The following UBR1 variants were observed in gnomAD, a reference collection of about 807,000 sequenced individuals.
UBR1 encodes E3 ubiquitin-protein ligase UBR1.
UBR1 carries 102 observed loss-of-function variants against 242.1 expected under a neutral mutation model. The observed-to-expected ratio is 0.42, with a 90% confidence interval of 0.36 to 0.50. The LOEUF is 0.50. UBR1 is among the 20% of genes least tolerant of loss of function. The pLI is 0.01. For synonymous variants in UBR1, 675 were observed against 684.8 expected (o/e 0.99, Z 0.22); for missense variants, 1,772 against 2,101.8 (o/e 0.84, Z 3.07).
chr15:43,047,191 T>A lies in UBR1; in HGVS notation c.1638A>T (p.Leu546Phe). 1 of 1,614,052 alleles carries A rather than the reference T, an allele frequency of 6.2e-7. No individual in the cohort carries two copies. The highest frequency in any genetic ancestry group is 8.5e-7 in the Non-Finnish European group (1 of 1,179,990). Residue 546 changes from leucine to phenylalanine, a missense_variant, in exon 14 of 47, where the codon TTA (leucine) becomes TTT (phenylalanine). Around this residue, in one of 3 missense-constraint regions of UBR1, gnomAD observed 734 missense variants for 893.3 expected, o/e 0.82. Coordinates refer to ENST00000290650, the MANE Select transcript of UBR1 (RefSeq NM_174916.3). Reference sequence around the variant, plus strand: ...AAGCACACCACTCTTGGAACATGAGTAAAATATTCTTCAATTGCATCTGTA... The same window carrying A: ...AAGCACACCACTCTTGGAACATGAGAAAAATATTCTTCAATTGCATCTGTA... ...IAIQMQLKNI[L>F]LMFQEWCACD...
At chr15:43,023,888 A>G (rs933877562) in intron 25 of UBR1, among the ~76,000 whole-genome samples, 1 of 152,204 alleles carries the variant, frequency 6.6e-6, no homozygotes, top group African/African-American at 2.4e-5. Flanking sequence ...TAGGTATGCA[A>G]AAACATTTGT....
intron 1 of UBR1, among the ~76,000 whole-genome samples, chr15:43,090,174 T>A (rs928590073): frequency 1.3e-5 from 2 of 152,206 alleles, no homozygotes; most frequent in Admixed American, 6.5e-5. Context: ...GTTTATTTAC[T>A]AATATGGAAA....
rs182350919 is a variant in UBR1, at chr15:43,096,452, G to T, written c.81+9490C>A. 2.7e-4 allele frequency among the ~76,000 whole-genome samples: 41 copies of T among 152,232 alleles called. No individual in the cohort carries two copies. The Middle Eastern group carries it at 0.01, about 38-fold the overall frequency. The stretch of plus-strand genomic sequence containing the variant: ...GCTGGGATTACAGCCGTGAGCCAAC[G>T]CGCCCGGCCAGGCAATTTCTTAAAA... On this transcript the variant is annotated intron_variant, in intron 1 of 46. Transcript: ENST00000290650.
At chr15:43,025,839 T>C (rs1356638877) in intron 23 of UBR1, 1 of 173,856 alleles carries the variant, frequency 5.8e-6, no homozygotes, top group Non-Finnish European at 1.2e-5. Flanking sequence ...TTACATAGTA[T>C]TCTTGCCAAA....
Position 43,059,600 on chromosome 15 carries a change from A to C in UBR1, c.985+102T>G, listed in dbSNP as rs1182830065. The stretch of plus-strand genomic sequence containing the variant: ...AAAGTGTATAAACCAAAAAAAAAAA[A>C]AAAAGAAAAACTTTATTTCATACTC... On this transcript the variant is annotated intron_variant, in intron 8 of 46. Transcript: ENST00000290650. The C allele has an allele frequency of 3.4e-5, 48 of 1,411,472 alleles. 1 individual carries two copies. The highest frequency in any genetic ancestry group is 4.6e-5 in the Non-Finnish European group (48 of 1,043,988). 87.4% of individuals were successfully genotyped at this position (1,411,472 alleles called of 1,614,324 possible). A position where few individuals can be genotyped will look rare whatever the true frequency, so the allele number is the denominator to read the frequency against.
chr15:43,057,162 T>C (rs908453289), intron 10 of UBR1, among the ~76,000 whole-genome samples: 1 of 152,192 alleles, frequency 6.6e-6, no homozygotes, highest in Non-Finnish European at 1.5e-5. Context: ...CAAAATTTCA[T>C]TTCAGATCAC....
Position 42,950,390 on chromosome 15 carries a change from T to C in UBR1, c.5007-27A>G, listed in dbSNP as rs1045955534. ...TGAAAGAGAAAATCAATAGGAAATA[T>C]GGTTAAGTGTATGTGTGCAAATGAT... On this transcript the variant is annotated intron_variant, in intron 45 of 46. Coordinates refer to ENST00000290650, the MANE Select transcript of UBR1 (RefSeq NM_174916.3). The C allele has an allele frequency of 3.7e-6, 6 of 1,601,796 alleles. No homozygotes were observed. In the African/African-American group the frequency reaches 8.0e-5, roughly 21 times the overall value.
Position 42,957,550 on chromosome 15 carries a change from T to C in UBR1, c.4835+463A>G, listed in dbSNP as rs142662491. Among the ~76,000 whole-genome samples the C allele has an allele frequency of 1.9e-4, 29 of 152,282 alleles. No homozygotes were observed. In the East Asian group the frequency reaches 5.0e-3, roughly 26 times the overall value. On this transcript the variant is annotated intron_variant, in intron 44 of 46. Transcript: ENST00000290650. ...TAAAAAAAATTGACAACCACTGTTA[T>C]GAAGGATACTCAGAGGTCACCGCTA...
chr15:43,077,126 C>T (rs1247196453), intron 3 of UBR1, among the ~76,000 whole-genome samples: 4 of 138,136 alleles, frequency 2.9e-5, no homozygotes, highest in African/African-American at 1.1e-4. Context: ...CCCCTCTGCC[C>T]GGCCACGACC....
At chr15:42,953,291 T>C (rs2031864720) in intron 44 of UBR1, among the ~76,000 whole-genome samples, 1 of 152,204 alleles carries the variant, frequency 6.6e-6, no homozygotes, top group Admixed American at 6.5e-5. Context: ...TGCTGTACAC[T>C]GAACACAATG....
At position 43,030,021 on chromosome 15, in the gene UBR1, T is replaced by G. The variant is rs200146543; in HGVS notation, c.2302A>C (p.Thr768Pro). ...AGCAAGTGAATGATTTCTCTCATTG[T>G]GACCTCTTCTTTGGTCACATTTCCC... is the stretch of plus-strand genomic sequence containing the variant. ...GVGNVTKEEV[T>P]MREIIHLLCI... Residue 768 changes from threonine to proline, a missense_variant, in exon 21 of 47, where the codon ACA becomes CCA. Transcript: ENST00000290650. 17 of 1,614,138 alleles carry G rather than the reference T, an allele frequency of 1.1e-5. No individual in the cohort carries two copies. In the Admixed American group the frequency reaches 1.8e-4, roughly 17 times the overall value.
rs1279302999 is a variant in UBR1 at position 43,060,069 on chromosome 15, C to T, written c.844G>A (p.Ala282Thr). ...AAAGTTACCTTTATATCTTCCTTTGCTTCCTGGCAAGCAGCATAAGCTCCC... is the reference window on the plus strand; with the variant it reads ...AAAGTTACCTTTATATCTTCCTTTGTTTCCTGGCAAGCAGCATAAGCTCCC... ...KAGAYAACQE[A>T]KEDIKSHSEN... is the part of the protein sequence containing the mutation. Residue 282 changes from alanine to threonine, a missense_variant, in exon 7 of 47, where the codon GCA (alanine) becomes ACA (threonine). Ala to Thr is a moderately conservative substitution (Grantham distance 58, BLOSUM62 0). Transcript: ENST00000290650. The T allele has an allele frequency of 6.8e-6, 11 of 1,613,938 alleles. No homozygotes were observed. In the African/African-American group the frequency reaches 9.3e-5, roughly 14 times the overall value.
In UBR1 at chr15:43,038,040, T is replaced by G. The variant is rs908249020; in HGVS notation, c.1911+131A>C. On this transcript the variant is annotated intron_variant, in intron 16 of 46. Transcript: ENST00000290650. ...CTGTGACTCAGATTACAATGTACTA[T>G]ATGAAGATGTAAAATTACTAAATGG... is the stretch of plus-strand genomic sequence containing the variant. 6.6e-6 allele frequency: 8 copies of G among 1,212,202 alleles called. No homozygotes were observed. In the African/African-American group the frequency reaches 1.1e-4, roughly 16 times the overall value. 75.1% of individuals were successfully genotyped at this position (1,212,202 alleles called of 1,614,324 possible). A position where few individuals can be genotyped will look rare whatever the true frequency, so the allele number is the denominator to read the frequency against.
At chr15:42,947,387 C>T (rs1442057509) in intron 46 of UBR1, among the ~76,000 whole-genome samples, 1 of 152,064 alleles carries the variant, frequency 6.6e-6, no homozygotes, top group East Asian at 1.9e-4. Context: ...ACAGGGATGC[C>T]CTCTCTCACC....
At chr15:43,007,745 T>A (rs2032855354) in intron 29 of UBR1, among the ~76,000 whole-genome samples, 1 of 152,198 alleles carries the variant, frequency 6.6e-6, no homozygotes, top group Non-Finnish European at 1.5e-5. Context: ...TAAGATCACA[T>A]TACACAGATC....
intron 43 of UBR1, among the ~76,000 whole-genome samples, chr15:42,959,430 T>A (rs2031978859): frequency 6.6e-6 from 1 of 152,190 alleles, no homozygotes; most frequent in African/African-American, 2.4e-5. Flanking sequence ...AACAATCTTT[T>A]CCTCTTTAAA....
intron 1 of UBR1, among the ~76,000 whole-genome samples, chr15:43,101,596 G>A (rs963799634): frequency 2.4e-4 from 36 of 152,232 alleles, no homozygotes; most frequent in Non-Finnish European, 4.1e-4. Context: ...TGGGGAGGCC[G>A]AGGTGGGTGG....
chr15:43,006,431 C>CA (rs2032830683), intron 30 of UBR1, among the ~76,000 whole-genome samples: 1 of 152,134 alleles, frequency 6.6e-6, no homozygotes, highest in East Asian at 1.9e-4. Context: ...CTCATGCAAC[C>CA]ATGCCTGGCT....
At chr15:42,983,665 C>CAATAAT (rs60519719) in intron 37 of UBR1, among the ~76,000 whole-genome samples, 53,546 of 136,930 alleles carry the variant, frequency 0.39, 10,840 homozygotes, top group South Asian at 0.45. Context: ...AACTCCCACT[C>CAATAAT]AATAATAATA....
Sources: allele counts gnomAD v4.1 joint callset (sites outside exome capture counted in the v4.1 genomes callset), GRCh38; gene constraint gnomAD v4.1.1; regional missense constraint gnomAD v4.1.1; transcripts MANE v1.5; gene names NCBI Gene and HGNC (gene_info 2026-07-23, HGNC 2026-07-21).